The following ENOX2 variants were observed in gnomAD, a reference collection of about 807,000 sequenced individuals.
The protein encoded by ENOX2 is ecto-NOX disulfide-thiol exchanger 2.
ENOX2 carries 36 observed loss-of-function variants against 45.0 expected under a neutral mutation model. That is an observed-to-expected ratio of 0.80 (90% CI 0.61 to 1.06). The LOEUF is 1.06. Among genes scored for constraint, ENOX2 ranks in the 50% least tolerant of loss-of-function variants. The pLI, the probability that ENOX2 is intolerant of heterozygous loss-of-function variation, is 0.00. For synonymous variants in ENOX2, 174 were observed against 152.3 expected (o/e 1.14, Z -1.05); for missense variants, 423 against 462.5 (o/e 0.91, Z 0.78).
Position 130,775,338 on chromosome X carries a change from C to T in ENOX2, c.-39+8209G>A, listed in dbSNP as rs143769863. ...AAGGCTGCAGTGACCTGAGACAGCA[C>T]CACTGCACTCCAGCCTGGGTGACAG... On this transcript the variant is annotated intron_variant, in intron 3 of 14. Coordinates refer to ENST00000394363, the MANE Select transcript of ENOX2 (RefSeq NM_006375.4). Among the ~76,000 whole-genome samples, 94 of 109,637 alleles carry T rather than the reference C, an allele frequency of 8.6e-4. 4 individuals carry two copies. In the East Asian group the frequency reaches 0.02, roughly 23 times the overall value.
chrX:130,786,653 G>A (rs1410460271), intron 2 of ENOX2, among the ~76,000 whole-genome samples: 1 of 94,632 alleles, frequency 1.1e-5, no homozygotes, highest in African/African-American at 3.9e-5. Context: ...AATATGCGGT[G>A]TTTGGTTTTT....
At chrX:130,700,249 G>A (rs184593299) in intron 4 of ENOX2, among the ~76,000 whole-genome samples, 1 of 112,237 alleles carries the variant, frequency 8.9e-6, no homozygotes. Context: ...TTTATACATA[G>A]CTTTACAAAG....
In ENOX2 at chrX:130,659,313, T is replaced by C. The variant is rs1006032898; in HGVS notation, c.1015-2618A>G. Among the ~76,000 whole-genome samples the C allele has an allele frequency of 3.7e-4, 42 of 112,510 alleles. 1 individual carries two copies. The highest frequency in any genetic ancestry group is 9.4e-5 in the Non-Finnish European group (5 of 53,287). ...TTTTCACTAAAAATAAATAAAAGAC[T>C]CTTTTTTTAAAAAGTGAGCTATTTA... On this transcript the variant is annotated intron_variant, in intron 9 of 14. Coordinates refer to ENST00000394363, the MANE Select transcript of ENOX2 (RefSeq NM_006375.4).
chrX:130,738,749 A>G (rs752543747), intron 3 of ENOX2, among the ~76,000 whole-genome samples: 1 of 112,426 alleles, frequency 8.9e-6, no homozygotes, highest in East Asian at 2.8e-4. Flanking sequence ...GTTTCTGCTG[A>G]AATAGCTCAT....
intron 2 of ENOX2, among the ~76,000 whole-genome samples, chrX:130,807,300 T>C (rs2077319184): frequency 8.9e-6 from 1 of 112,264 alleles, no homozygotes; most frequent in Non-Finnish European, 1.9e-5. Flanking sequence ...ATCACTATTA[T>C]TTTGTTGGGG....
At chrX:130,763,276 C>T (rs1026688234) in intron 3 of ENOX2, among the ~76,000 whole-genome samples, 2 of 111,066 alleles carry the variant, frequency 1.8e-5, no homozygotes, top group Non-Finnish European at 3.8e-5. Context: ...TCCAGGTTCC[C>T]TACTCACCTT....
At chrX:130,704,525 C>A (rs1334931031) in intron 3 of ENOX2, among the ~76,000 whole-genome samples, 1 of 110,683 alleles carries the variant, frequency 9.0e-6, no homozygotes, top group African/African-American at 3.3e-5. Flanking sequence ...ATAGAAAAAT[C>A]TTTCTATGGC....
At chrX:130,833,805 T>A (rs1442347483) in intron 2 of ENOX2, among the ~76,000 whole-genome samples, 1 of 111,690 alleles carries the variant, frequency 9.0e-6, no homozygotes, top group Non-Finnish European at 1.9e-5. Context: ...CTTTACCTTT[T>A]ACTCCTCATC....
At chrX:130,815,645 C>T (rs1345278575) in intron 2 of ENOX2, among the ~76,000 whole-genome samples, 1 of 111,918 alleles carries the variant, frequency 8.9e-6, no homozygotes, top group Non-Finnish European at 1.9e-5. Flanking sequence ...TCCATCGAAA[C>T]TAAGCTTCAT....
intron 2 of ENOX2, among the ~76,000 whole-genome samples, chrX:130,846,495 G>A (rs1157511104): frequency 9.0e-6 from 1 of 111,023 alleles, no homozygotes; most frequent in Non-Finnish European, 1.9e-5. Flanking sequence ...GTGCCACCAC[G>A]CCCGCCTAAT....
chrX:130,646,836 G>A (rs930518418), intron 10 of ENOX2, among the ~76,000 whole-genome samples: 1 of 112,360 alleles, frequency 8.9e-6, no homozygotes, highest in East Asian at 2.8e-4. Context: ...CAAGTTTCAC[G>A]AGTTAAGTCA....
chrX:130,707,134 C>CT (rs2038057582), intron 3 of ENOX2, among the ~76,000 whole-genome samples: 1 of 112,223 alleles, frequency 8.9e-6, no homozygotes, highest in Non-Finnish European at 1.9e-5. Flanking sequence ...CCTACAATCA[C>CT]TGGCAGCAGC....
intron 3 of ENOX2, among the ~76,000 whole-genome samples, chrX:130,704,277 T>C (rs947275532): frequency 1.8e-5 from 2 of 111,242 alleles, no homozygotes; most frequent in East Asian, 5.6e-4. Flanking sequence ...ATGGAGAAAA[T>C]AGGACTTGAA....
chrX:130,877,642 A>G (rs983407589), intron 2 of ENOX2, among the ~76,000 whole-genome samples: 1 of 112,308 alleles, frequency 8.9e-6, no homozygotes, highest in African/African-American at 3.2e-5. Context: ...CAGGTGGTCC[A>G]TTATGATCTA....
At chrX:130,818,903 T>C (rs775060032) in intron 2 of ENOX2, among the ~76,000 whole-genome samples, 289 of 111,729 alleles carry the variant, frequency 2.6e-3, no homozygotes, top group Middle Eastern at 9.3e-3. Context: ...AGCTTCTGCA[T>C]AGCAAAAGAA....
intron 2 of ENOX2, among the ~76,000 whole-genome samples, chrX:130,822,353 T>C (rs2077632938): frequency 8.9e-6 from 1 of 112,248 alleles, no homozygotes; most frequent in African/African-American, 3.2e-5. Flanking sequence ...TTTTGATATT[T>C]TCCGAGGCTA....
chrX:130,830,308 C>T (rs753138676), intron 2 of ENOX2, among the ~76,000 whole-genome samples: 6 of 111,649 alleles, frequency 5.4e-5, no homozygotes, highest in Admixed American at 9.5e-5. Flanking sequence ...CTCAACAATG[C>T]TACTTCTGTA....
At chrX:130,709,098 T>C (rs927795031) in intron 3 of ENOX2, 2 of 435,792 alleles carry the variant, frequency 4.6e-6, no homozygotes, top group African/African-American at 2.5e-5. Context: ...GCAGCCATAT[T>C]TGTTAATTCC....
chrX:130,724,559 T>C (rs2038561975), intron 3 of ENOX2, among the ~76,000 whole-genome samples: 1 of 112,786 alleles, frequency 8.9e-6, no homozygotes, highest in Admixed American at 9.3e-5. Flanking sequence ...CTCTTTATAT[T>C]GCAGTTGAAG....
Sources: allele counts gnomAD v4.1 joint callset (sites outside exome capture counted in the v4.1 genomes callset), GRCh38; gene constraint gnomAD v4.1.1; transcripts MANE v1.5; gene names NCBI Gene and HGNC (gene_info 2026-07-23, HGNC 2026-07-21).